The following APLP2 variants were observed in gnomAD, a reference collection of about 807,000 sequenced individuals.
The protein encoded by APLP2 is CDEI box-binding protein.
A neutral mutation model predicts 89.9 loss-of-function variants in APLP2; 53 were observed. The ratio of observed to expected loss-of-function variants is 0.59; its 90% CI spans 0.47 to 0.74. The LOEUF (loss-of-function observed/expected upper bound fraction) is 0.74, where lower values mean the gene tolerates loss of function less well. Ranked by LOEUF, APLP2 falls within the 30% of genes least tolerant of loss-of-function variation. The pLI is 0.00. For synonymous variants in APLP2, 372 were observed against 348.6 expected (o/e 1.07, Z -0.75); for missense variants, 973 against 975.9 (o/e 1.00, Z 0.04).
intron 4 of APLP2, among the ~76,000 whole-genome samples, 190 bp from the exon 5 acceptor site, chr11:130,121,424 G>A (rs1434016580): frequency 6.6e-6 from 1 of 151,994 alleles, no homozygotes; most frequent in African/African-American, 2.4e-5. Flanking sequence ...TTTCCCCATT[G>A]TAAATTAAAA....
At chr11:130,091,846 G>A (rs1455907471) in intron 1 of APLP2, among the ~76,000 whole-genome samples, 2 of 147,816 alleles carry the variant, frequency 1.4e-5, no homozygotes, top group Non-Finnish European at 1.5e-5. Flanking sequence ...CCTCCCGGAC[G>A]GGGTGGCTGC....
intron 3 of APLP2, among the ~76,000 whole-genome samples, chr11:130,116,678 G>A (rs938850038): frequency 2.6e-5 from 4 of 151,782 alleles, no homozygotes; most frequent in Non-Finnish European, 5.9e-5. Context: ...CCCCATGTTG[G>A]CCAGGCTGGT....
chr11:130,073,995 C>T (rs1028156295), intron 1 of APLP2, among the ~76,000 whole-genome samples: 22 of 152,264 alleles, frequency 1.4e-4, no homozygotes, highest in African/African-American at 5.1e-4. Flanking sequence ...GAGTAAGTTG[C>T]ATACGTCGTC....
chr11:130,126,785 G>A lies in APLP2; in HGVS notation c.1176G>A (p.Lys392=). Residue 392 remains lysine (K), a synonymous_variant, in exon 8 of 17, where the codon AAG becomes AAA. Transcript: ENST00000338167. ...ADDNEHARFQ[K]AKEQLEIRHR... is the part of the protein sequence containing the mutation. ...ATAATGAGCATGCTCGCTTCCAGAA[G>A]GCTAAGGAGCAGCTGGAGATTCGGC... 1 of 1,614,246 alleles carries A rather than the reference G, an allele frequency of 6.2e-7. No homozygotes were observed.
intron 1 of APLP2, among the ~76,000 whole-genome samples, chr11:130,098,115 A>G (rs1484176646): frequency 1.3e-5 from 2 of 152,162 alleles, no homozygotes; most frequent in African/African-American, 2.4e-5. Context: ...ATATTAAAAC[A>G]TGGATATTTG....
rs189742394 is a variant in APLP2 at position 130,079,656 on chromosome 11, A to C, written c.105+9574A>C. ...TACTAATTATAATAATTTATCTGTAACTTTAAATTTTTCTGAGTATATTCT... is the reference window on the plus strand; with the variant it reads ...TACTAATTATAATAATTTATCTGTACCTTTAAATTTTTCTGAGTATATTCT... On this transcript the variant is annotated intron_variant, in intron 1 of 16. Coordinates refer to ENST00000338167, the MANE Select transcript of APLP2 (RefSeq NM_001142276.2). Among the ~76,000 whole-genome samples, 71 of 152,314 alleles carry C rather than the reference A, an allele frequency of 4.7e-4. 1 individual carries two copies. Among genetic ancestry groups the C allele is most frequent in the African/African-American group, 1.7e-3 (71 of 41,570 alleles).
At chr11:130,117,539 G>A (rs372319450) in intron 3 of APLP2, among the ~76,000 whole-genome samples, 1 of 151,996 alleles carries the variant, frequency 6.6e-6, no homozygotes, top group South Asian at 2.1e-4. Flanking sequence ...TGAGTAGCTG[G>A]AATTACAGGT....
At chr11:130,113,577 T>G (rs1345823944) in intron 3 of APLP2, among the ~76,000 whole-genome samples, 1 of 152,174 alleles carries the variant, frequency 6.6e-6, no homozygotes, top group Non-Finnish European at 1.5e-5. Flanking sequence ...GACTGGAGTT[T>G]AAGGGAGGGA....
chr11:130,123,600 A>G lies in APLP2; in HGVS notation c.923-12A>G, dbSNP rs771399225. 1.9e-6 allele frequency: 3 copies of G among 1,610,104 alleles called. No individual in the cohort carries two copies. The highest frequency in any genetic ancestry group is 3.4e-5 in the Admixed American group (2 of 59,328). On this transcript the variant is annotated splice_polypyrimidine_tract_variant and intron_variant, in intron 6 of 16. Coordinates refer to ENST00000338167, the MANE Select transcript of APLP2 (RefSeq NM_001142276.2). The surrounding 1 kb of genome is among the most constrained non-coding windows in gnomAD (Gnocchi z 4.0). ...CCTCTGTCCTGCTGACACTCTGACC[A>G]TTTTCACACAGCTGTCTGCTCCCAG...
chr11:130,133,549 G>A, intron 11 of APLP2, 80 bp from the exon 12 acceptor site: 1 of 1,009,016 alleles, frequency 9.9e-7, no homozygotes, highest in Non-Finnish European at 1.6e-6. Context: ...CAGAAGTTGT[G>A]TCGATGTTCC....
intron 1 of APLP2, among the ~76,000 whole-genome samples, chr11:130,097,239 A>G (rs1946327799): frequency 6.6e-6 from 1 of 152,360 alleles, no homozygotes; most frequent in African/African-American, 2.4e-5. Flanking sequence ...ACCTAATAAA[A>G]TGTTTAGCGG....
chr11:130,072,587 C>G (rs1459661522), intron 1 of APLP2, among the ~76,000 whole-genome samples: 1 of 151,004 alleles, frequency 6.6e-6, no homozygotes, highest in East Asian at 2.0e-4. Context: ...AGCGATTCTC[C>G]TGCCTCAGAC....
intron 1 of APLP2, chr11:130,070,730 C>T: frequency 1.4e-6 from 2 of 1,460,200 alleles, no homozygotes; most frequent in Non-Finnish European, 1.8e-6. Flanking sequence ...GTCCGTAGAC[C>T]GAGGAAACCC....
rs779158245 is a variant in APLP2 at position 130,109,525 on chromosome 11, G to A, written c.202G>A (p.Gly68Arg). The stretch of plus-strand genomic sequence containing the variant: ...AAATATGCATGTGAACATTCAGACT[G>A]GGAAATGGGAACCTGATCCAACAGG... ...KLNMHVNIQT[G>R]KWEPDPTGTK... Residue 68 changes from glycine to arginine, a missense_variant, in exon 2 of 17, where the codon GGG becomes AGG. Gly to Arg is a moderately radical substitution (Grantham distance 125). Coordinates refer to ENST00000338167, the MANE Select transcript of APLP2 (RefSeq NM_001142276.2). 5 of 1,613,884 alleles carry A rather than the reference G, an allele frequency of 3.1e-6. No individual in the cohort carries two copies. Among genetic ancestry groups the A allele is most frequent in the South Asian group, 1.1e-5 (1 of 91,050 alleles).
At position 130,126,807 on chromosome 11, in the gene APLP2, C is replaced by G. The variant is rs1212536922; in HGVS notation, c.1198C>G (p.Arg400Gly). 2 of 1,614,164 alleles carry G rather than the reference C, an allele frequency of 1.2e-6. No individual in the cohort carries two copies. The highest frequency in any genetic ancestry group is 2.2e-5 in the East Asian group (1 of 44,888). Residue 400 changes from arginine to glycine, a missense_variant, in exon 8 of 17, where the codon CGG becomes GGG. Physicochemically the swap from Arg to Gly is moderately radical, Grantham distance 125 (BLOSUM62 -2). Transcript: ENST00000338167. ...FQKAKEQLEI[R>G]HRNRMDRVKK... Reference sequence around the variant, plus strand: ...GAAGGCTAAGGAGCAGCTGGAGATTCGGCACCGCAACCGAATGGACAGGGT... The same window carrying G: ...GAAGGCTAAGGAGCAGCTGGAGATTGGGCACCGCAACCGAATGGACAGGGT...
In APLP2 at chr11:130,107,565, G is replaced by A. The variant is rs576130932; in HGVS notation, c.106-1864G>A. On this transcript the variant is annotated intron_variant, in intron 1 of 16. Transcript: ENST00000338167. ...AACCACTGCTCAATGAAATAAAAGA[G>A]GACACAAACAAATGGAAGAACATTC... Among the ~76,000 whole-genome samples, 9 of 152,212 alleles carry A rather than the reference G, an allele frequency of 5.9e-5. No individual in the cohort carries two copies. In the East Asian group the frequency reaches 1.7e-3, roughly 29 times the overall value.
chr11:130,088,727 T>A (rs1334526131), intron 1 of APLP2, among the ~76,000 whole-genome samples: 2 of 152,078 alleles, frequency 1.3e-5, no homozygotes, highest in Non-Finnish European at 2.9e-5. Context: ...ATCTCAGTCA[T>A]AATTTGTGTC....
At chr11:130,134,088 C>T (rs890991763) in intron 12 of APLP2, among the ~76,000 whole-genome samples, 5 of 152,258 alleles carry the variant, frequency 3.3e-5, no homozygotes, top group Admixed American at 6.5e-5. Context: ...ACCTCCTCCT[C>T]TCCCGGTCTT....
At chr11:130,136,575 G>T (rs946370405) in intron 13 of APLP2, among the ~76,000 whole-genome samples, 1 of 152,152 alleles carries the variant, frequency 6.6e-6, no homozygotes, top group African/African-American at 2.4e-5. Flanking sequence ...TATAGCACTG[G>T]AACAGAGGCC....
Sources: allele counts gnomAD v4.1 joint callset (sites outside exome capture counted in the v4.1 genomes callset), GRCh38; gene constraint gnomAD v4.1.1; non-coding constraint Gnocchi (gnomAD v3.1); transcripts MANE v1.5; gene names NCBI Gene and HGNC (gene_info 2026-07-23, HGNC 2026-07-21).